Variants in GPHN observed in about 807,000 individuals in gnomAD.
GPHN encodes gephyrin.
Under a neutral mutation model 95.5 loss-of-function variants are expected in GPHN, and 17 were observed. That is an observed-to-expected ratio of 0.18 (90% confidence interval 0.12 to 0.27). The LOEUF (loss-of-function observed/expected upper bound fraction) is 0.27. Among genes scored for constraint, GPHN ranks in the 10% least tolerant of loss-of-function variants. The probability of loss-of-function intolerance (pLI) is 1.00; values close to 1 mark genes in which losing one functional copy is unlikely to be tolerated. For synonymous variants in GPHN, 320 were observed against 322.5 expected, an observed-to-expected ratio of 0.99 and a Z score of 0.08; for missense variants, 660 against 978.1, an observed-to-expected ratio of 0.67 and a Z score of 4.34.
At chr14:67,678,397 G>T in the GPHN span, 1 of 1,613,824 alleles carries the variant, frequency 6.2e-7, no homozygotes, top group African/African-American at 1.3e-5. Flanking sequence ...ACGAGCTTGG[G>T]CAGAGACCCA....
intron 4 of GPHN, among the ~76,000 whole-genome samples, chr14:66,840,172 G>A (rs1338516151): frequency 2.6e-5 from 4 of 152,022 alleles, no homozygotes; most frequent in African/African-American, 4.8e-5. Context: ...CCATCTACTC[G>A]GGAGGCTGAG....
chr14:66,537,565 A>G (rs890399341), intron 1 of GPHN, among the ~76,000 whole-genome samples: 3 of 152,114 alleles, frequency 2.0e-5, no homozygotes, highest in Admixed American at 6.5e-5. Context: ...ATTTCAATAT[A>G]TGATACAAAC....
intron 16 of GPHN, among the ~76,000 whole-genome samples, chr14:67,117,050 A>G (rs182306142): frequency 6.6e-6 from 1 of 152,336 alleles, no homozygotes; most frequent in East Asian, 1.9e-4. Context: ...ATCAATTAAT[A>G]GATTAAGTTT....
the GPHN span, among the ~76,000 whole-genome samples, chr14:67,535,554 G>A: frequency 6.6e-6 from 1 of 151,906 alleles, no homozygotes; most frequent in South Asian, 2.1e-4. Context: ...GCTAATTTTT[G>A]TATTTTTAGT....
intron 2 of GPHN, among the ~76,000 whole-genome samples, chr14:66,715,329 C>T (rs180946686): frequency 6.6e-5 from 10 of 151,918 alleles, no homozygotes; most frequent in Non-Finnish European, 8.8e-5. Flanking sequence ...TAGTATCTCC[C>T]GTTTCATTTC....
At chr14:67,629,173 T>TG in the GPHN span, among the ~76,000 whole-genome samples, 1 of 151,728 alleles carries the variant, frequency 6.6e-6, no homozygotes, top group Non-Finnish European at 1.5e-5. Flanking sequence ...ATCTCCACAG[T>TG]GGGGGGAAAA....
intron 10 of GPHN, among the ~76,000 whole-genome samples, chr14:67,042,809 A>G (rs530289109): frequency 6.6e-6 from 1 of 152,318 alleles, no homozygotes; most frequent in African/African-American, 2.4e-5. Flanking sequence ...GAATCTATAA[A>G]TTACTTTGGG....
At chr14:66,733,621 C>G (rs745956264) in intron 2 of GPHN, among the ~76,000 whole-genome samples, 6 of 152,044 alleles carry the variant, frequency 3.9e-5, no homozygotes, top group African/African-American at 7.2e-5. Context: ...CCTTTATTTA[C>G]TGATATATTA....
chr14:66,526,598 T>G (rs1157775449), intron 1 of GPHN, among the ~76,000 whole-genome samples: 1 of 152,230 alleles, frequency 6.6e-6, no homozygotes, highest in Non-Finnish European at 1.5e-5. Flanking sequence ...CCATTCAGTA[T>G]GATGTTGGCT....
intron 5 of GPHN, among the ~76,000 whole-genome samples, chr14:66,914,037 T>C (rs1229683874): frequency 6.6e-6 from 1 of 152,020 alleles, no homozygotes; most frequent in African/African-American, 2.4e-5. Context: ...TCTGATGTAA[T>C]GTTTTGACAA....
chr14:66,593,642 C>T (rs1388259334), intron 1 of GPHN, among the ~76,000 whole-genome samples: 2 of 152,114 alleles, frequency 1.3e-5, no homozygotes, highest in African/African-American at 4.8e-5. Flanking sequence ...TGGGTGGGGA[C>T]ACAAAGCCAA....
intron 1 of GPHN, among the ~76,000 whole-genome samples, chr14:66,548,447 C>T (rs906652725): frequency 6.6e-6 from 1 of 152,160 alleles, no homozygotes; most frequent in Admixed American, 6.5e-5. Flanking sequence ...TCCCAAAGTG[C>T]TGGGATTACA....
intron 13 of GPHN, among the ~76,000 whole-genome samples, chr14:67,109,076 G>T (rs889151585): frequency 3.3e-5 from 5 of 152,032 alleles, no homozygotes; most frequent in Non-Finnish European, 7.4e-5. Flanking sequence ...AACCTGCACA[G>T]CATATTACAG....
chr14:67,660,213 A>G, the GPHN span: 1 of 219,860 alleles, frequency 4.5e-6, no homozygotes, highest in South Asian at 1.2e-4. Context: ...TCTCCATTTA[A>G]TCCTCACAAC....
the GPHN span, among the ~76,000 whole-genome samples, chr14:67,264,391 C>T: frequency 2.6e-5 from 4 of 152,060 alleles, no homozygotes; most frequent in Middle Eastern, 3.2e-3. Flanking sequence ...TCTCATTCGT[C>T]TGTTTTTGCC....
intron 1 of GPHN, among the ~76,000 whole-genome samples, chr14:66,512,827 T>C (rs933912410): frequency 6.6e-6 from 1 of 151,828 alleles, no homozygotes; most frequent in Non-Finnish European, 1.5e-5. Flanking sequence ...TCTTGAAACC[T>C]GTTCTGGTAT....
At chr14:67,255,827 G>A in the GPHN span, among the ~76,000 whole-genome samples, 1 of 152,098 alleles carries the variant, frequency 6.6e-6, no homozygotes, top group Admixed American at 6.6e-5. Context: ...AGCTGGGATT[G>A]CAGGCACCTG....
intron 1 of GPHN, among the ~76,000 whole-genome samples, chr14:66,601,529 CTA>C (rs1683275917): frequency 1.3e-5 from 2 of 151,990 alleles, no homozygotes; most frequent in Admixed American, 1.3e-4. Context: ...TATACTCACT[CTA>C]TGACCATTTT....
chr14:66,880,113 C>A, intron 5 of GPHN, 80 bp downstream of exon 5: 1 of 886,348 alleles, frequency 1.1e-6, no homozygotes. Context: ...TACACTTTGG[C>A]ATTGTTGTGA....
Sources: allele counts gnomAD v4.1 joint callset (sites outside exome capture counted in the v4.1 genomes callset), GRCh38; gene constraint gnomAD v4.1.1; transcripts MANE v1.5; gene names NCBI Gene and HGNC (gene_info 2026-07-23, HGNC 2026-07-21).